ADRA1A: variants seen among roughly 807,000 people sequenced by gnomAD.
ADRA1A encodes adrenoceptor alpha 1A.
A neutral mutation model predicts 29.6 loss-of-function variants in ADRA1A; 31 were observed. The ratio of observed to expected loss-of-function variants is 1.05; its 90% CI spans 0.79 to 1.41. The LOEUF (loss-of-function observed/expected upper bound fraction) is 1.41. Among genes scored for constraint, ADRA1A ranks in the 40% most tolerant of loss-of-function variants. The pLI is 0.00. For synonymous variants in ADRA1A, 311 were observed against 254.3 expected, an observed-to-expected ratio of 1.22 and a Z score of -2.12; for missense variants, 619 against 601.1, an observed-to-expected ratio of 1.03 and a Z score of -0.31.
At chr8:26,816,705 C>T (rs750805851) in intron 2 of ADRA1A, among the ~76,000 whole-genome samples, 2 of 152,180 alleles carry the variant, frequency 1.3e-5, no homozygotes, top group African/African-American at 2.4e-5. Flanking sequence ...CTCCATGTGG[C>T]ACCTCAGCGC....
exon 3 of ADRA1A, chr8:26,756,776 G>T (rs1009440417): frequency 6.2e-7 from 1 of 1,613,536 alleles, no homozygotes. Flanking sequence ...ATGGGTGTGT[G>T]TCCCTTTAAA....
chr8:26,858,018 T>C (rs1267610700), intron 2 of ADRA1A, among the ~76,000 whole-genome samples: 1 of 152,238 alleles, frequency 6.6e-6, no homozygotes, highest in Non-Finnish European at 1.5e-5. Flanking sequence ...AATGAATGAA[T>C]CATTCTCTGC....
chr8:26,799,971 A>G (rs910638362), intron 2 of ADRA1A, among the ~76,000 whole-genome samples: 4 of 152,178 alleles, frequency 2.6e-5, no homozygotes, highest in Admixed American at 2.0e-4. Flanking sequence ...TAAAAAGATT[A>G]TCATCTGCTG....
chr8:26,750,116 G>A (rs1804858836), intron 2 of ADRA1A, among the ~76,000 whole-genome samples: 2 of 152,190 alleles, frequency 1.3e-5, no homozygotes, highest in African/African-American at 4.8e-5. Context: ...TCTGGTAAAG[G>A]CCTGTTTTCT....
chr8:26,769,651 T>A lies in ADRA1A; in HGVS notation c.*498A>T, dbSNP rs1805991306. 1.0e-6 allele frequency: 1 copy of A among 985,766 alleles called. No homozygotes were observed. The highest frequency in any genetic ancestry group is 1.7e-5 in the African/African-American group (1 of 57,372). The allele number at this position is 985,766 out of a possible 1,614,324, so 61.1% of individuals were successfully genotyped here. A position where few individuals can be genotyped will look rare whatever the true frequency, so the allele number is the denominator to read the frequency against. On this transcript the variant is annotated 3_prime_UTR_variant, in exon 3 of 3. Coordinates refer to ENST00000380573, the MANE Select transcript of ADRA1A (RefSeq NM_000680.4). The stretch of plus-strand genomic sequence containing the variant: ...GTTTCAGGACTTGCTCTAAAAATAA[T>A]GTGTCTGGATCTCGGCCACCATCTT...
At chr8:26,849,449 C>A (rs993306874) in intron 2 of ADRA1A, among the ~76,000 whole-genome samples, 2 of 152,194 alleles carry the variant, frequency 1.3e-5, no homozygotes, top group African/African-American at 4.8e-5. Context: ...GGAGAGGGCA[C>A]TACACACCCT....
Position 26,756,904 on chromosome 8 carries a change from G to A in ADRA1A, c.1270-125C>T, listed in dbSNP as rs1015890051. 11 of 1,432,514 alleles carry A rather than the reference G, an allele frequency of 7.7e-6. No homozygotes were observed. In the South Asian group the frequency reaches 8.4e-5, roughly 11 times the overall value. The allele number at this position is 1,432,514 out of a possible 1,614,324, so 88.7% of individuals were successfully genotyped here. The stretch of plus-strand genomic sequence containing the variant: ...TAAGAATTCTTACTCCAAACCCAAT[G>A]TGTCCATTTTTCCAAGTTCAGACTT... On this transcript the variant is annotated intron_variant, in intron 2 of 2. Coordinates refer to the ADRA1A transcript ENST00000380582.
intron 2 of ADRA1A, among the ~76,000 whole-genome samples, chr8:26,849,387 C>T (rs1386105092): frequency 1.3e-5 from 2 of 152,162 alleles, no homozygotes; most frequent in South Asian, 2.1e-4. Flanking sequence ...GGTCAGCAGA[C>T]AAAGGAGGTT....
chr8:26,757,054 C>G (rs1385009270), intron 2 of ADRA1A: 26 of 704,212 alleles, frequency 3.7e-5, no homozygotes, highest in Middle Eastern at 4.5e-4. Context: ...GAACTGAATA[C>G]TCTTCTTTTT....
chr8:26,836,154 T>C, intron 2 of ADRA1A: 3 of 235,010 alleles, frequency 1.3e-5, no homozygotes, highest in Middle Eastern at 9.7e-4. Context: ...CTGCCAGCAG[T>C]TCCTAGTCTG....
chr8:26,811,278 T>C (rs1192141778), intron 2 of ADRA1A, among the ~76,000 whole-genome samples: 2 of 152,060 alleles, frequency 1.3e-5, no homozygotes, highest in African/African-American at 2.4e-5. Context: ...CTGCAAGCTC[T>C]GCCTTCCAGG....
chr8:26,820,879 G>A (rs970124231), intron 2 of ADRA1A, among the ~76,000 whole-genome samples: 9 of 85,680 alleles, frequency 1.1e-4, no homozygotes, highest in African/African-American at 6.2e-4. Flanking sequence ...TATGCATTAG[G>A]CCATTTTGTT....
At chr8:26,835,039 G>T (rs118166901) in intron 2 of ADRA1A, among the ~76,000 whole-genome samples, 5,508 of 152,142 alleles carry the variant, frequency 0.036, 131 homozygotes, top group Middle Eastern at 0.12. Context: ...GCAAATACAA[G>T]CCCCTATTTT....
intron 2 of ADRA1A, among the ~76,000 whole-genome samples, chr8:26,783,507 C>T (rs1183596347): frequency 6.6e-6 from 1 of 152,284 alleles, no homozygotes; most frequent in South Asian, 2.1e-4. Flanking sequence ...AAAAACTCTT[C>T]CGAAGGCCAA....
At chr8:26,770,693 A>G in intron 2 of ADRA1A, 27 bp from the exon 3 acceptor site, 1 of 1,557,526 alleles carries the variant, frequency 6.4e-7, no homozygotes, top group South Asian at 1.2e-5. Flanking sequence ...AGATTTATAC[A>G]TATTATTTGA....
At chr8:26,767,333 A>G (rs1234121300), downstream of ADRA1A, among the ~76,000 whole-genome samples, 2 of 144,202 alleles carry the variant, frequency 1.4e-5, no homozygotes, top group Admixed American at 1.4e-4. Context: ...GCTAAACTGC[A>G]ACAATTTTAG....
At chr8:26,844,141 C>T (rs146941840) in intron 2 of ADRA1A, among the ~76,000 whole-genome samples, 66 of 152,138 alleles carry the variant, frequency 4.3e-4, no homozygotes, top group Non-Finnish European at 5.9e-5. Context: ...TATACTACTA[C>T]CAGTGGGATA....
chr8:26,791,383 G>A (rs1807820567), intron 2 of ADRA1A, among the ~76,000 whole-genome samples: 1 of 152,084 alleles, frequency 6.6e-6, no homozygotes, highest in African/African-American at 2.4e-5. Context: ...GATCCGTATT[G>A]CCAAATTGCT....
In ADRA1A at chr8:26,831,767, G is replaced by A. The variant is rs28438702; in HGVS notation, c.883+32320C>T. On this transcript the variant is annotated intron_variant, in intron 2 of 2. Transcript: ENST00000380573. The surrounding 1 kb of genome is among the most constrained non-coding windows in gnomAD (Gnocchi z 5.2). ...TTTTGGGCCTTGGGGGGAACACGCT[G>A]CATGCAGCTTCCTTTCCATCCTTGC... is the stretch of plus-strand genomic sequence containing the variant. Among the ~76,000 whole-genome samples, 294 of 152,360 alleles carry A rather than the reference G, an allele frequency of 1.9e-3. 1 individual carries two copies. The highest frequency in any genetic ancestry group is 6.9e-3 in the African/African-American group (285 of 41,594).
Sources: allele counts gnomAD v4.1 joint callset (sites outside exome capture counted in the v4.1 genomes callset), GRCh38; gene constraint gnomAD v4.1.1; non-coding constraint Gnocchi (gnomAD v3.1); transcripts MANE v1.5; gene names NCBI Gene and HGNC (gene_info 2026-07-23, HGNC 2026-07-21).